The following DNAJC6 variants were observed in gnomAD, a reference collection of about 807,000 sequenced individuals.
DNAJC6 encodes DnaJ heat shock protein family (Hsp40) member C6.
A neutral mutation model predicts 110.0 loss-of-function variants in DNAJC6; 34 were observed. The observed-to-expected ratio is 0.31, with a 90% confidence interval of 0.24 to 0.41. The LOEUF is 0.41. Ranked by LOEUF, DNAJC6 falls within the 10% of genes least tolerant of loss-of-function variation. The pLI is 1.00. For synonymous variants in DNAJC6, 406 were observed against 437.2 expected (o/e 0.93, Z 0.89); for missense variants, 1,031 against 1,207.8 (o/e 0.85, Z 2.17).
intron 1 of DNAJC6, among the ~76,000 whole-genome samples, chr1:65,335,598 C>T (rs1371447299): frequency 6.6e-6 from 1 of 152,090 alleles, no homozygotes; most frequent in East Asian, 1.9e-4. Context: ...AGGAGGGAAG[C>T]CGCGTGGCTC....
intron 1 of DNAJC6, among the ~76,000 whole-genome samples, chr1:65,314,044 A>G (rs1645126695): frequency 6.6e-6 from 1 of 152,216 alleles, no homozygotes; most frequent in Non-Finnish European, 1.5e-5. Context: ...ACTGAAAAAG[A>G]GTAGTCCAAT....
Position 65,394,796 on chromosome 1 carries a change from A to G in DNAJC6, c.1904-102A>G, listed in dbSNP as rs1645961463. On this transcript the variant is annotated intron_variant, in intron 12 of 18. Coordinates refer to ENST00000371069, the MANE Select transcript of DNAJC6 (RefSeq NM_001256864.2). ...ACTCCTTTGTCCACAAAGATAGGAA[A>G]TTCTTGGAGTCCACTGTTAGCCCTA... 2.9e-6 allele frequency: 4 copies of G among 1,364,796 alleles called. No homozygotes were observed. The South Asian group carries it at 6.5e-5, about 22-fold the overall frequency. 84.5% of individuals were successfully genotyped at this position (1,364,796 alleles called of 1,614,324 possible).
At chr1:65,366,691 C>T (rs1209650883) in intron 4 of DNAJC6, among the ~76,000 whole-genome samples, 2 of 152,044 alleles carry the variant, frequency 1.3e-5, no homozygotes, top group African/African-American at 4.8e-5. Context: ...CTAGTTTCAC[C>T]TTGGCTTAGG....
At chr1:65,324,970 T>C (rs905227266) in intron 1 of DNAJC6, among the ~76,000 whole-genome samples, 18 of 152,202 alleles carry the variant, frequency 1.2e-4, no homozygotes, top group African/African-American at 4.1e-4. Flanking sequence ...TTAATGAACC[T>C]GGTGAAGTAT....
intron 1 of DNAJC6, among the ~76,000 whole-genome samples, chr1:65,270,260 C>A (rs1653461803): frequency 6.6e-6 from 1 of 152,090 alleles, no homozygotes. Context: ...ACTTATTTCA[C>A]TTCTCTTTTA....
At chr1:65,390,526 G>GCATCCTAATCAATACC (rs1553146898) in intron 11 of DNAJC6, among the ~76,000 whole-genome samples, 1 of 152,192 alleles carries the variant, frequency 6.6e-6, no homozygotes, top group Non-Finnish European at 1.5e-5. Context: ...CCTGACGTTG[G>GCATCCTAATCAATACC]CATCCTAATC....
At chr1:65,312,288 A>G (rs1358748608) in intron 1 of DNAJC6, among the ~76,000 whole-genome samples, 1 of 152,162 alleles carries the variant, frequency 6.6e-6, no homozygotes, top group East Asian at 1.9e-4. Flanking sequence ...AATGATTTTG[A>G]TGCATATTTT....
At chr1:65,351,836 G>A (rs1645492700) in intron 1 of DNAJC6, among the ~76,000 whole-genome samples, 1 of 152,082 alleles carries the variant, frequency 6.6e-6, no homozygotes, top group Non-Finnish European at 1.5e-5. Flanking sequence ...CGCGATCTCG[G>A]CTCAATGCAA....
intron 1 of DNAJC6, among the ~76,000 whole-genome samples, chr1:65,322,319 A>T (rs1462203841): frequency 6.6e-6 from 1 of 151,972 alleles, no homozygotes; most frequent in East Asian, 1.9e-4. Flanking sequence ...ATAAAAATCC[A>T]TTTTTTTCTA....
chr1:65,313,000 A>G (rs1365494436), intron 1 of DNAJC6, among the ~76,000 whole-genome samples: 3 of 151,726 alleles, frequency 2.0e-5, no homozygotes, highest in Non-Finnish European at 4.4e-5. Flanking sequence ...GGCTCTTGCC[A>G]TGTTGGCCAG....
chr1:65,290,857 C>T (rs1437925637), intron 1 of DNAJC6, among the ~76,000 whole-genome samples: 1 of 152,088 alleles, frequency 6.6e-6, no homozygotes, highest in African/African-American at 2.4e-5. Flanking sequence ...TGTTAGATGA[C>T]AGTAAGGAAT....
intron 1 of DNAJC6, among the ~76,000 whole-genome samples, chr1:65,310,652 C>G (rs953274362): frequency 6.6e-6 from 1 of 152,106 alleles, no homozygotes; most frequent in Non-Finnish European, 1.5e-5. Context: ...AACTTTGTAT[C>G]GGGGCTTGCA....
intron 13 of DNAJC6, among the ~76,000 whole-genome samples, chr1:65,397,866 CAAGG>C (rs764166916): frequency 3.3e-5 from 5 of 152,044 alleles, no homozygotes; most frequent in Non-Finnish European, 7.4e-5. Context: ...GTAAACAAAA[CAAGG>C]AAATAAAAGG....
intron 1 of DNAJC6, among the ~76,000 whole-genome samples, chr1:65,332,719 G>GT (rs201735759): frequency 9.9e-5 from 15 of 152,028 alleles, no homozygotes; most frequent in East Asian, 5.8e-4. Flanking sequence ...AATTGACAGT[G>GT]TTTTTTTTGT....
intron 1 of DNAJC6, among the ~76,000 whole-genome samples, chr1:65,338,798 A>C (rs1645361382): frequency 6.6e-6 from 1 of 152,194 alleles, no homozygotes; most frequent in South Asian, 2.1e-4. Context: ...TTTCTGAAAG[A>C]TTGGATGTGA....
chr1:65,327,256 C>T (rs974485500), intron 1 of DNAJC6, among the ~76,000 whole-genome samples: 1 of 152,064 alleles, frequency 6.6e-6, no homozygotes, highest in Non-Finnish European at 1.5e-5. Context: ...GTACTTCATT[C>T]ATTCGTTTAG....
chr1:65,267,156 C>T (rs1356190960), intron 1 of DNAJC6, among the ~76,000 whole-genome samples: 1 of 152,170 alleles, frequency 6.6e-6, no homozygotes, highest in East Asian at 1.9e-4. Flanking sequence ...CTCGGCCTCC[C>T]AAAGTGCTGG....
At chr1:65,338,398 C>CT (rs1351238384) in intron 1 of DNAJC6, among the ~76,000 whole-genome samples, 1 of 152,044 alleles carries the variant, frequency 6.6e-6, no homozygotes, top group Non-Finnish European at 1.5e-5. Flanking sequence ...ATATATTTTG[C>CT]TTTAAGACAG....
At chr1:65,296,153 A>G (rs1446533758) in intron 1 of DNAJC6, among the ~76,000 whole-genome samples, 2 of 152,234 alleles carry the variant, frequency 1.3e-5, no homozygotes, top group African/African-American at 4.8e-5. Context: ...TGAAAGAGTC[A>G]TACTCTGTTA....
Sources: gnomAD v4.1 joint callset for allele counts (sites outside exome capture counted in the v4.1 genomes callset) on GRCh38, gnomAD v4.1.1 for gene constraint, MANE v1.5 for transcripts, NCBI Gene and HGNC (gene_info 2026-07-23, HGNC 2026-07-21) for gene names.